The following HUNK variants were observed in gnomAD, a reference collection of about 807,000 sequenced individuals.
HUNK encodes the protein hormonally up-regulated neu tumor-associated kinase.
HUNK carries 21 observed loss-of-function variants against 61.0 expected under a neutral mutation model. The ratio of observed to expected loss-of-function variants is 0.34; its 90% CI spans 0.24 to 0.50. The LOEUF (loss-of-function observed/expected upper bound fraction) is 0.50, where lower values mean the gene tolerates loss of function less well. Among genes scored for constraint, HUNK ranks in the 20% least tolerant of loss-of-function variants. The pLI, the probability that HUNK is intolerant of heterozygous loss-of-function variation, is 0.98. For synonymous variants in HUNK, 371 were observed against 386.1 expected (o/e 0.96, Z 0.46); for missense variants, 772 against 945.7 (o/e 0.82, Z 2.41).
At chr21:31,932,266 C>G (rs1366203012) in intron 2 of HUNK, among the ~76,000 whole-genome samples, 1 of 152,190 alleles carries the variant, frequency 6.6e-6, no homozygotes, top group Non-Finnish European at 1.5e-5. Context: ...GGAGCAGCTG[C>G]CTTTCTGCCC....
intron 4 of HUNK, among the ~76,000 whole-genome samples, chr21:31,954,800 G>A (rs1490797981): frequency 6.6e-6 from 1 of 151,728 alleles, no homozygotes; most frequent in Non-Finnish European, 1.5e-5. Flanking sequence ...TTTTTTTTAA[G>A]AGTCAGGGTC....
At chr21:31,902,178 T>A (rs560437668) in intron 1 of HUNK, among the ~76,000 whole-genome samples, 1 of 152,140 alleles carries the variant, frequency 6.6e-6, no homozygotes, top group Admixed American at 6.5e-5. Context: ...TTATTTCCCC[T>A]TTTTACAGAG....
chr21:31,929,738 C>T (rs996660496), intron 2 of HUNK, among the ~76,000 whole-genome samples: 1 of 152,196 alleles, frequency 6.6e-6, no homozygotes, highest in Admixed American at 6.5e-5. Flanking sequence ...AGCCTGAGCT[C>T]GGATGTGTGT....
At chr21:31,976,098 A>G (rs1431037569) in intron 7 of HUNK, among the ~76,000 whole-genome samples, 1 of 152,132 alleles carries the variant, frequency 6.6e-6, no homozygotes, top group Non-Finnish European at 1.5e-5. Flanking sequence ...GAGAAGAAGT[A>G]CTCTCAACAA....
At chr21:31,894,323 C>T (rs1304974291) in intron 1 of HUNK, among the ~76,000 whole-genome samples, 2 of 152,186 alleles carry the variant, frequency 1.3e-5, no homozygotes, top group Non-Finnish European at 2.9e-5. Context: ...CCTCTACACT[C>T]ATGGAATGCT....
At chr21:31,968,471 G>GTGAT in intron 6 of HUNK, 86 bp downstream of exon 6, 1 of 1,512,020 alleles carries the variant, frequency 6.6e-7, no homozygotes, top group South Asian at 1.2e-5. Flanking sequence ...AAAGCTGTCC[G>GTGAT]TGATTGAAGG....
At chr21:31,985,275 C>T (rs1764743126) in intron 8 of HUNK, among the ~76,000 whole-genome samples, 1 of 152,210 alleles carries the variant, frequency 6.6e-6, no homozygotes, top group Admixed American at 6.5e-5. Flanking sequence ...CCCCTCTTTC[C>T]TTTTCCAACG....
At chr21:31,962,735 T>G (rs1181854177) in intron 5 of HUNK, among the ~76,000 whole-genome samples, 1 of 152,250 alleles carries the variant, frequency 6.6e-6, no homozygotes, top group Non-Finnish European at 1.5e-5. Flanking sequence ...CTCCTCCTTT[T>G]TAAAATAACT....
chr21:31,933,867 G>T (rs1387743109), intron 2 of HUNK, among the ~76,000 whole-genome samples: 2 of 151,536 alleles, frequency 1.3e-5, no homozygotes, highest in Non-Finnish European at 2.9e-5. Flanking sequence ...ACTGAAGGAA[G>T]ATCCTCCCAC....
chr21:31,909,285 G>C (rs1311943913), intron 1 of HUNK, among the ~76,000 whole-genome samples: 1 of 152,266 alleles, frequency 6.6e-6, no homozygotes, highest in East Asian at 1.9e-4. Flanking sequence ...TCTCTTGCAG[G>C]AACCAGTTTC....
intron 1 of HUNK, among the ~76,000 whole-genome samples, chr21:31,894,429 G>A (rs2123795134): frequency 6.6e-6 from 1 of 152,278 alleles, no homozygotes; most frequent in Admixed American, 6.5e-5. Context: ...CACTGCTGGG[G>A]AAATTTCCCA....
intron 6 of HUNK, among the ~76,000 whole-genome samples, chr21:31,969,032 C>G (rs954967506): frequency 6.6e-6 from 1 of 152,024 alleles, no homozygotes; most frequent in African/African-American, 2.4e-5. Flanking sequence ...GAACGTGCCA[C>G]CACACCAGGC....
intron 9 of HUNK, among the ~76,000 whole-genome samples, chr21:31,993,002 T>C (rs2053181413): frequency 6.6e-6 from 1 of 152,186 alleles, no homozygotes; most frequent in Non-Finnish European, 1.5e-5. Context: ...GAGAAGGATA[T>C]GCTAGGGGTT....
chr21:31,875,363 C>T (rs2052253232), intron 1 of HUNK, among the ~76,000 whole-genome samples: 1 of 152,172 alleles, frequency 6.6e-6, no homozygotes. Flanking sequence ...TCCCTGTGTT[C>T]CCTACAGCCG....
At chr21:31,947,326 T>C (rs972301473) in intron 4 of HUNK, among the ~76,000 whole-genome samples, 1 of 144,694 alleles carries the variant, frequency 6.9e-6, no homozygotes, top group South Asian at 2.2e-4. Flanking sequence ...CATCCCGGTC[T>C]CAAGCCAGTG....
Position 31,892,180 on chromosome 21 carries a change from T to TAGAGAG in HUNK, c.261+18270_261+18275dup, listed in dbSNP as rs66753649. 7.8e-3 allele frequency among the ~76,000 whole-genome samples: 860 copies of TAGAGAG among 109,700 alleles called. 7 individuals are homozygous for TAGAGAG. The highest frequency in any genetic ancestry group is 9.8e-3 in the Non-Finnish European group (553 of 56,278). 72.0% of individuals were successfully genotyped at this position (109,700 alleles called of 152,430 possible). On this transcript the variant is annotated intron_variant, in intron 1 of 10. Coordinates refer to ENST00000270112, the MANE Select transcript of HUNK (RefSeq NM_014586.2). ...AAAAAAAAATATATATATATATATA[T>TAGAGAG]AGAGAGAGAGAGAGAGAGAGAGAGA...
At chr21:31,939,801 A>C (rs976984863) in intron 2 of HUNK, among the ~76,000 whole-genome samples, 44 of 150,880 alleles carry the variant, frequency 2.9e-4, no homozygotes, top group African/African-American at 1.0e-3. Context: ...TTCATATGAA[A>C]TATTTGCCTG....
chr21:31,933,797 A>G (rs1698093775), intron 2 of HUNK, among the ~76,000 whole-genome samples: 1 of 151,944 alleles, frequency 6.6e-6, no homozygotes, highest in Non-Finnish European at 1.5e-5. Flanking sequence ...AAAAAAAAAA[A>G]AAAGGTTAAC....
intron 2 of HUNK, among the ~76,000 whole-genome samples, chr21:31,938,813 G>A (rs549678374): frequency 1.9e-4 from 29 of 152,296 alleles, no homozygotes; most frequent in African/African-American, 6.3e-4. Context: ...AACATTCAAG[G>A]TATGCCTGCA....
Sources: allele counts gnomAD v4.1 joint callset (sites outside exome capture counted in the v4.1 genomes callset), GRCh38; gene constraint gnomAD v4.1.1; transcripts MANE v1.5; gene names NCBI Gene and HGNC (gene_info 2026-07-23, HGNC 2026-07-21).